The following TAF1L variants were observed in gnomAD, a reference collection of about 807,000 sequenced individuals.
The protein encoded by TAF1L is transcription initiation factor TFIID subunit 1-like.
Under a neutral mutation model 128.8 loss-of-function variants are expected in TAF1L, and 30 were observed. That is an observed-to-expected ratio of 0.23 (90% CI 0.17 to 0.32). The LOEUF (loss-of-function observed/expected upper bound fraction) is 0.32, where lower values mean the gene tolerates loss of function less well. TAF1L is among the 10% of genes least tolerant of loss of function. TAF1L has a pLI of 1.00. For synonymous variants in TAF1L, 764 were observed against 790.7 expected (o/e 0.97, Z 0.57); for missense variants, 2,099 against 2,253.7 (o/e 0.93, Z 1.39).
At position 32,633,261 on chromosome 9, in the gene TAF1L, A is replaced by G. The variant is rs1473466002; in HGVS notation, c.2319T>C (p.Leu773=). Residue 773 remains leucine (L), a synonymous_variant, in exon 1 of 1, where the codon CTT becomes CTC. Transcript: ENST00000242310. ...ENNLFRAPVY[L]HKMPETDFLI... is the part of the protein sequence containing the mutation. ...GAAAATCAGTTTCTGGCATCTTATG[A>G]AGATACACTGGAGCACGAAAAAGGT... The G allele has an allele frequency of 6.2e-7, 1 of 1,614,212 alleles. No individual in the cohort carries two copies. The highest frequency in any genetic ancestry group is 2.2e-5 in the East Asian group (1 of 44,890).
Position 32,632,659 on chromosome 9 carries a change from T to C in TAF1L, c.2921A>G (p.Asp974Gly), listed in dbSNP as rs771939910. Reference sequence around the variant, plus strand: ...GAATCCTTCACCACACCCTGTGGGATCTGCCACCCCAGTCACCTCTAGGAG... The same window carrying C: ...GAATCCTTCACCACACCCTGTGGGACCTGCCACCCCAGTCACCTCTAGGAG... ...KCLLEVTGVADPTGCGEGFSY... is the reference protein window; with the variant it reads ...KCLLEVTGVAGPTGCGEGFSY... Residue 974 changes from aspartate to glycine, a missense_variant, in exon 1 of 1, where the codon GAT (aspartate) becomes GGT (glycine). Transcript: ENST00000242310. This position sits in a 1 kb window ranked among gnomAD's most constrained non-coding sequence, Gnocchi z 4.4. The C allele has an allele frequency of 2.0e-5, 33 of 1,614,240 alleles. No individual in the cohort carries two copies. The highest frequency in any genetic ancestry group is 2.5e-5 in the Non-Finnish European group (30 of 1,180,048).
Position 32,633,669 on chromosome 9 carries a change from T to C in TAF1L, c.1911A>G (p.Pro637=), listed in dbSNP as rs148519227. The C allele has an allele frequency of 6.2e-7, 1 of 1,614,044 alleles. No homozygotes were observed. Among genetic ancestry groups the C allele is most frequent in the Non-Finnish European group, 8.5e-7 (1 of 1,180,000 alleles). ...CACCAAATGAGTACTTTTTCAGAGGTGGGCGATGGAACTGCCGGATTTTGA... is the reference window on the plus strand; with the variant it reads ...CACCAAATGAGTACTTTTTCAGAGGCGGGCGATGGAACTGCCGGATTTTGA... ...GPIKIRQFHR[P]PLKKYSFGAL... The change falls in exon 1 of 1, where the codon CCA becomes CCG. Residue 637 remains proline, a synonymous_variant. Coordinates refer to ENST00000242310, the MANE Select transcript of TAF1L (RefSeq NM_153809.2).
Position 32,635,423 on chromosome 9 carries a change from C to T in TAF1L, c.157G>A (p.Gly53Arg). Residue 53 changes from glycine to arginine, a missense_variant, in exon 1 of 1, where the codon GGG becomes AGG. Gly to Arg is a moderately radical substitution (Grantham distance 125). Around this residue, in one of 4 missense-constraint regions of TAF1L, gnomAD observed 473 missense variants for 429.6 expected, o/e 1.10. Coordinates refer to ENST00000242310, the MANE Select transcript of TAF1L (RefSeq NM_153809.2). ...GNISGAGQLE[G>R]ESVLDDECKK... ...CACTCATCATCCAAGACGCTTTCCC[C>T]CTCCAGCTGCCCCGCTCCACTGATG... is the stretch of plus-strand genomic sequence containing the variant. The T allele has an allele frequency of 1.2e-6, 2 of 1,614,158 alleles. No individual in the cohort carries two copies. Among genetic ancestry groups the T allele is most frequent in the African/African-American group, 1.3e-5 (1 of 75,034 alleles).
chr9:32,631,384 T>G lies in TAF1L; in HGVS notation c.4196A>C (p.Asp1399Ala). ...PHKSIHRRRT[D>A]PMVTLSSILE... The stretch of plus-strand genomic sequence containing the variant: ...GATGGATGACAGCGTCACCATAGGG[T>G]CTGTGCGGCGTCGGTGGATGGACTT... Residue 1399 changes from aspartate (D) to alanine (A), a missense_variant, in exon 1 of 1, where the codon GAC (aspartate) becomes GCC (alanine). This residue lies in a region of TAF1L where 1,213 missense variants were observed against 1,391.4 expected (regional missense o/e 0.87). Transcript: ENST00000242310. This position sits in a 1 kb window ranked among gnomAD's most constrained non-coding sequence, Gnocchi z 4.1. 6.2e-7 allele frequency: 1 copy of G among 1,614,134 alleles called. No individual in the cohort carries two copies. Among genetic ancestry groups the G allele is most frequent in the Non-Finnish European group, 8.5e-7 (1 of 1,180,040 alleles).
chr9:32,629,589 C>A lies in TAF1L; in HGVS notation c.*510G>T, dbSNP rs138852911. On this transcript the variant is annotated 3_prime_UTR_variant, in exon 1 of 1. Coordinates refer to ENST00000242310, the MANE Select transcript of TAF1L (RefSeq NM_153809.2). ...GCAGAGTCCACTAGAACCCAATTCT[C>A]TGTCCCAGCAGGAGGGCTCTCATCT... 7.5e-3 allele frequency: 1,300 copies of A among 174,090 alleles called. 10 individuals are homozygous for A. Among genetic ancestry groups the A allele is most frequent in the Non-Finnish European group, 0.011 (875 of 80,782 alleles). 10.8% of individuals were successfully genotyped at this position (174,090 alleles called of 1,614,324 possible).
chr9:32,632,133 C>G lies in TAF1L; in HGVS notation c.3447G>C (p.Arg1149=). 6.2e-7 allele frequency: 1 copy of G among 1,614,172 alleles called. No homozygotes were observed. Among genetic ancestry groups the G allele is most frequent in the Non-Finnish European group, 8.5e-7 (1 of 1,180,032 alleles). ...CTGAGCCTGCTACCAGTAGCATTCGCCGTAGTTCCTTCCGCTCCTGCTCCT... is the reference window on the plus strand; with the variant it reads ...CTGAGCCTGCTACCAGTAGCATTCGGCGTAGTTCCTTCCGCTCCTGCTCCT... ...EWEEQERKEL[R]RMLLVAGSAA... Residue 1149 remains arginine, a synonymous_variant, in exon 1 of 1, where the codon CGG becomes CGC. Coordinates refer to ENST00000242310, the MANE Select transcript of TAF1L (RefSeq NM_153809.2). This position sits in a 1 kb window ranked among gnomAD's most constrained non-coding sequence, Gnocchi z 4.4.
At position 32,635,618 on chromosome 9, in the gene TAF1L, A is replaced by C. The variant is rs765495136; in HGVS notation, c.-39T>G. On this transcript the variant is annotated 5_prime_UTR_variant, in exon 1 of 1. Transcript: ENST00000242310. ...AACAACAGTCGCCCGGAAGTGATCTACTTAGCTCCCTTACCCTACCAGCGT... is the reference window on the plus strand; with the variant it reads ...AACAACAGTCGCCCGGAAGTGATCTCCTTAGCTCCCTTACCCTACCAGCGT... 6 of 1,510,678 alleles carry C rather than the reference A, an allele frequency of 4.0e-6. No individual in the cohort carries two copies. Among genetic ancestry groups the C allele is most frequent in the South Asian group, 1.2e-5 (1 of 82,956 alleles). The allele number at this position is 1,510,678 out of a possible 1,614,324, so 93.6% of individuals were successfully genotyped here.
chr9:32,633,599 G>C lies in TAF1L; in HGVS notation c.1981C>G (p.His661Asp), dbSNP rs1221692970. The stretch of plus-strand genomic sequence containing the variant: ...CTCATCTTGGCCTTTTTTTTGATGT[G>C]CTTTAGCAAAGGTTGGACTGAATGG... ...GPHSVQPLLK[H>D]IKKKAKMREQ... is the part of the protein sequence containing the mutation. The change falls in exon 1 of 1, where the codon CAC (histidine) becomes GAC (aspartate). Residue 661 changes from histidine to aspartate, a missense_variant. His to Asp is a moderately conservative substitution (Grantham distance 81, BLOSUM62 -1). This residue lies in a region of TAF1L where 1,213 missense variants were observed against 1,391.4 expected (regional missense o/e 0.87). Coordinates refer to ENST00000242310, the MANE Select transcript of TAF1L (RefSeq NM_153809.2). 1.2e-6 allele frequency: 2 copies of C among 1,613,998 alleles called. No individual in the cohort carries two copies. Among genetic ancestry groups the C allele is most frequent in the South Asian group, 1.1e-5 (1 of 91,072 alleles).
Position 32,634,627 on chromosome 9 carries a change from G to T in TAF1L, c.953C>A (p.Pro318Gln). The change falls in exon 1 of 1, where the codon CCA becomes CAA. Residue 318 changes from proline (P) to glutamine (Q), a missense_variant. By Grantham distance (76) the Pro-to-Gln change is moderately conservative (BLOSUM62 -1). This residue lies in a region of TAF1L where 473 missense variants were observed against 429.6 expected (regional missense o/e 1.10). Coordinates refer to ENST00000242310, the MANE Select transcript of TAF1L (RefSeq NM_153809.2). ...AGCGAGACACTGCTCTGGGGGTGGT[G>T]GTGGAGCATAGTCATAGTTCCACAA... The part of the protein sequence containing the change: ...KSLWNYDYAP[P>Q]PPPEQCLADD... 1.2e-6 allele frequency: 2 copies of T among 1,614,152 alleles called. No homozygotes were observed. Among genetic ancestry groups the T allele is most frequent in the Non-Finnish European group, 1.7e-6 (2 of 1,180,016 alleles).
In TAF1L at chr9:32,635,516, C is replaced by G; in HGVS notation, c.64G>C (p.Asp22His). ...AATVTAAIMS[D>H]SDSEEDSSGG... ...GATGAATCTTCCTCGCTGTCCGAGT[C>G]TGACATGATGGCGGCAGTGACGGTA... Residue 22 changes from aspartate (D) to histidine (H), a missense_variant, in exon 1 of 1, where the codon GAC (aspartate) becomes CAC (histidine). Transcript: ENST00000242310. 2.5e-6 allele frequency: 4 copies of G among 1,614,140 alleles called. No individual in the cohort carries two copies. The highest frequency in any genetic ancestry group is 3.4e-6 in the Non-Finnish European group (4 of 1,180,014).
rs1426524502 is a variant in TAF1L, at chr9:32,632,834, G to A, written c.2746C>T (p.Arg916Ter). ...AYYSMIAAKQ[R>*]LKDAGYGEKS... ...TCACCATAGCCAGCATCCTTCAGTCGTTGCTTTGCAGCTATCATGCTATAA... is the reference window on the plus strand; with the variant it reads ...TCACCATAGCCAGCATCCTTCAGTCATTGCTTTGCAGCTATCATGCTATAA... The change falls in exon 1 of 1, where the codon CGA becomes TGA. Residue 916 changes from arginine (R) to a stop codon, truncating the protein, a stop_gained. Coordinates refer to ENST00000242310, the MANE Select transcript of TAF1L (RefSeq NM_153809.2). LOFTEE classifies it high-confidence loss of function. The surrounding 1 kb of genome is among the most constrained non-coding windows in gnomAD (Gnocchi z 4.4). 1 of 1,614,148 alleles carries A rather than the reference G, an allele frequency of 6.2e-7. No homozygotes were observed. Among genetic ancestry groups the A allele is most frequent in the Non-Finnish European group, 8.5e-7 (1 of 1,180,018 alleles).
Position 32,629,985 on chromosome 9 carries a change from T to A in TAF1L, c.*114A>T, listed in dbSNP as rs561974970. The stretch of plus-strand genomic sequence containing the variant: ...ATTTCCGATGCTGCTGAAGCTTGTG[T>A]CTTGGGTGTTCAACTTGGGATCAGG... On this transcript the variant is annotated 3_prime_UTR_variant, in exon 1 of 1. Coordinates refer to ENST00000242310, the MANE Select transcript of TAF1L (RefSeq NM_153809.2). 71 of 1,560,700 alleles carry A rather than the reference T, an allele frequency of 4.5e-5. No homozygotes were observed. The highest frequency in any genetic ancestry group is 3.5e-4 in the African/African-American group (26 of 73,868).
Position 32,632,213 on chromosome 9 carries a change from T to C in TAF1L, c.3367A>G (p.Ile1123Val), listed in dbSNP as rs770774088. 1.5e-5 allele frequency: 25 copies of C among 1,614,126 alleles called. No homozygotes were observed. The highest frequency in any genetic ancestry group is 2.0e-5 in the Non-Finnish European group (24 of 1,180,042). Residue 1123 changes from isoleucine to valine, a missense_variant, in exon 1 of 1, where the codon ATT becomes GTT. By Grantham distance (29) the Ile-to-Val change is conservative. Around this residue, in one of 4 missense-constraint regions of TAF1L, gnomAD observed 1,213 missense variants for 1,391.4 expected, o/e 0.87. Coordinates refer to ENST00000242310, the MANE Select transcript of TAF1L (RefSeq NM_153809.2). The surrounding 1 kb of genome is among the most constrained non-coding windows in gnomAD (Gnocchi z 4.4). ...TTCTTGTTCTGCAACATGTTCTCAA[T>C]GTTCTTTCCCATTTCTTCAAAGTCA... ...DSDFEEMGKNIENMLQNKKTS... is the reference protein window; with the variant it reads ...DSDFEEMGKNVENMLQNKKTS...
chr9:32,632,348 G>C lies in TAF1L; in HGVS notation c.3232C>G (p.Gln1078Glu). 1 of 1,614,162 alleles carries C rather than the reference G, an allele frequency of 6.2e-7. No homozygotes were observed. The highest frequency in any genetic ancestry group is 8.5e-7 in the Non-Finnish European group (1 of 1,180,044). ...RGSRFSVAEH[Q>E]ERYKEECQRI... ...TGACATTCCTCTTTGTAACGCTCTT[G>C]ATGCTCAGCCACAGAAAACCTTGAT... The change falls in exon 1 of 1, where the codon CAA (glutamine) becomes GAA (glutamate). Residue 1078 changes from glutamine (Q) to glutamate (E), a missense_variant. Physicochemically the swap from Gln to Glu is conservative, Grantham distance 29. This residue lies in a region of TAF1L where 1,213 missense variants were observed against 1,391.4 expected (regional missense o/e 0.87). Transcript: ENST00000242310. The surrounding 1 kb of genome is among the most constrained non-coding windows in gnomAD (Gnocchi z 4.4).
In TAF1L at chr9:32,633,901, A is replaced by G. The variant is rs768810099; in HGVS notation, c.1679T>C (p.Leu560Pro). 2 of 1,614,102 alleles carry G rather than the reference A, an allele frequency of 1.2e-6. No individual in the cohort carries two copies. The highest frequency in any genetic ancestry group is 2.7e-5 in the African/African-American group (2 of 74,918). The change falls in exon 1 of 1, where the codon CTC becomes CCC. Residue 560 changes from leucine to proline, a missense_variant. Physicochemically the swap from Leu to Pro is moderately conservative, Grantham distance 98. This residue lies in a region of TAF1L where 1,213 missense variants were observed against 1,391.4 expected (regional missense o/e 0.87). Coordinates refer to ENST00000242310, the MANE Select transcript of TAF1L (RefSeq NM_153809.2). ...CCTGATGACACCTGTTTTGCCCAAG[A>G]GAATTCGACTCTTCTTCAGAGATGA... The part of the protein sequence containing the change: ...KESSLKKSRI[L>P]LGKTGVIREE...
At position 32,632,829 on chromosome 9, in the gene TAF1L, C is replaced by T; in HGVS notation, c.2751G>A (p.Leu917=). Residue 917 remains leucine (L), a synonymous_variant, in exon 1 of 1, where the codon CTG becomes CTA. Coordinates refer to ENST00000242310, the MANE Select transcript of TAF1L (RefSeq NM_153809.2). The surrounding 1 kb of genome is among the most constrained non-coding windows in gnomAD (Gnocchi z 4.4). ...YYSMIAAKQR[L]KDAGYGEKSF... ...ATTTCTCACCATAGCCAGCATCCTT[C>T]AGTCGTTGCTTTGCAGCTATCATGC... The T allele has an allele frequency of 6.2e-7, 1 of 1,614,246 alleles. No individual in the cohort carries two copies. The highest frequency in any genetic ancestry group is 8.5e-7 in the Non-Finnish European group (1 of 1,180,054).
At position 32,632,591 on chromosome 9, in the gene TAF1L, C is replaced by T. The variant is rs1372429573; in HGVS notation, c.2989G>A (p.Asp997Asn). ...IPNKPTQQKD[D>N]KEPQAVKKTV... ...TTCTTCACTGCCTGTGGCTCTTTAT[C>T]ATCCTTCTGCTGTGTTGGTTTATTT... The change falls in exon 1 of 1, where the codon GAT becomes AAT. Residue 997 changes from aspartate (D) to asparagine (N), a missense_variant. Physicochemically the swap from Asp to Asn is conservative, Grantham distance 23 (BLOSUM62 1). Transcript: ENST00000242310. This position sits in a 1 kb window ranked among gnomAD's most constrained non-coding sequence, Gnocchi z 4.4. 1 of 1,614,102 alleles carries T rather than the reference C, an allele frequency of 6.2e-7. No individual in the cohort carries two copies. The highest frequency in any genetic ancestry group is 8.5e-7 in the Non-Finnish European group (1 of 1,180,054).
Position 32,630,088 on chromosome 9 carries a change from T to C in TAF1L, c.*11A>G. On this transcript the variant is annotated 3_prime_UTR_variant, in exon 1 of 1. Transcript: ENST00000242310. The stretch of plus-strand genomic sequence containing the variant: ...TCCCCACCGTCTCCCTCATGGGACA[T>C]CATGCTTTCTTCATTTTCCGTGCCC... 6.2e-7 allele frequency: 1 copy of C among 1,614,070 alleles called. No individual in the cohort carries two copies. The highest frequency in any genetic ancestry group is 1.1e-5 in the South Asian group (1 of 91,080).
rs746376216 is a variant in TAF1L, at chr9:32,634,407, T to G, written c.1173A>C (p.Gln391His). The G allele has an allele frequency of 6.2e-7, 1 of 1,614,138 alleles. No individual in the cohort carries two copies. The highest frequency in any genetic ancestry group is 8.5e-7 in the Non-Finnish European group (1 of 1,180,054). Residue 391 changes from glutamine to histidine, a missense_variant, in exon 1 of 1, where the codon CAA (glutamine) becomes CAC (histidine). Coordinates refer to ENST00000242310, the MANE Select transcript of TAF1L (RefSeq NM_153809.2). ...TTCTAGATTTTATCACAGGTTCATG[T>G]TGTGTCTTTCTCAGTTTGAAGCCAT... ...FDYGFKLRKT[Q>H]HEPVIKSRMM...
Sources: allele counts gnomAD v4.1 joint callset, GRCh38; gene constraint gnomAD v4.1.1; regional missense constraint gnomAD v4.1.1; non-coding constraint Gnocchi (gnomAD v3.1); transcripts MANE v1.5; gene names NCBI Gene and HGNC (gene_info 2026-07-23, HGNC 2026-07-21).